The following SYNPR variants were observed in gnomAD, a reference collection of about 807,000 sequenced individuals.
SYNPR encodes the protein synaptoporin.
A neutral mutation model predicts 32.9 loss-of-function variants in SYNPR; 23 were observed. That is an observed-to-expected ratio of 0.70 (90% CI 0.50 to 0.99). SYNPR has a LOEUF of 0.99. Ranked by LOEUF, SYNPR falls within the 50% of genes least tolerant of loss-of-function variation. The probability of loss-of-function intolerance (pLI) is 0.00; values close to 1 mark genes in which losing one functional copy is unlikely to be tolerated. For missense variants in SYNPR, 318 were observed against 349.3 expected (o/e 0.91, Z 0.71); for synonymous variants, 146 against 135.9 (o/e 1.07, Z -0.52).
chr3:63,609,099 T>C, intron 4 of SYNPR, 26 bp from the exon 5 acceptor site: 1 of 1,565,318 alleles, frequency 6.4e-7, no homozygotes. Flanking sequence ...TCTTTTACCA[T>C]TTTCTATTCT....
chr3:63,524,145 T>G (rs1701962097), intron 3 of SYNPR, among the ~76,000 whole-genome samples: 1 of 151,840 alleles, frequency 6.6e-6, no homozygotes. Context: ...CTATCAGTCA[T>G]AAGTAGAAAG....
At chr3:63,382,871 G>T (rs1278186449) in intron 2 of SYNPR, among the ~76,000 whole-genome samples, 1 of 152,060 alleles carries the variant, frequency 6.6e-6, no homozygotes, top group Admixed American at 6.6e-5. Context: ...AGGGGTTTTG[G>T]TTTTTGTTTG....
intron 1 of SYNPR, among the ~76,000 whole-genome samples, chr3:63,236,719 G>T (rs2086203464): frequency 6.6e-6 from 1 of 152,040 alleles, no homozygotes; most frequent in African/African-American, 2.4e-5. Context: ...CTTATATCCT[G>T]CAAGCTTGTT....
chr3:63,609,360 G>T lies in SYNPR; in HGVS notation c.600+44G>T, dbSNP rs147416129. On this transcript the variant is annotated intron_variant, in intron 5 of 5. Coordinates refer to ENST00000478300, the MANE Select transcript of SYNPR (RefSeq NM_001130003.2). ...TGCTTTACTGTTCATATCTTTGTTT[G>T]CCAGTCAAAATAATAAGAAAAACAT... 2,678 of 1,423,666 alleles carry T rather than the reference G, an allele frequency of 1.9e-3. 127 individuals carry two copies. The Admixed American group carries it at 0.077, about 41-fold the overall frequency. The allele number at this position is 1,423,666 out of a possible 1,614,324, so 88.2% of individuals were successfully genotyped here. A position where few individuals can be genotyped will look rare whatever the true frequency, so the allele number is the denominator to read the frequency against.
At chr3:63,226,085 G>A (rs2086126035), upstream of SYNPR, among the ~76,000 whole-genome samples, 1 of 152,064 alleles carries the variant, frequency 6.6e-6, no homozygotes, top group Non-Finnish European at 1.5e-5. Context: ...AATGGCCAAC[G>A]GATAAATGTT....
At chr3:63,489,297 G>T (rs768463616) in intron 3 of SYNPR, among the ~76,000 whole-genome samples, 3 of 152,120 alleles carry the variant, frequency 2.0e-5, no homozygotes, top group Non-Finnish European at 4.4e-5. Context: ...CAATCCAATT[G>T]GTCACTGGCC....
intron 3 of SYNPR, among the ~76,000 whole-genome samples, chr3:63,486,200 T>C (rs1847726): frequency 0.43 from 65,746 of 152,036 alleles, 14,261 homozygotes; most frequent in East Asian, 0.49. Context: ...TGGGCCACCA[T>C]GCCTAGCCAC....
chr3:63,603,038 T>G (rs1222976827), intron 4 of SYNPR, among the ~76,000 whole-genome samples: 1 of 152,188 alleles, frequency 6.6e-6, no homozygotes, highest in African/African-American at 2.4e-5. Flanking sequence ...GTTTTGTAAT[T>G]CTCATTGTAG....
At chr3:63,389,644 C>T (rs1194972748) in intron 2 of SYNPR, among the ~76,000 whole-genome samples, 2 of 152,140 alleles carry the variant, frequency 1.3e-5, no homozygotes, top group East Asian at 3.9e-4. Flanking sequence ...CCTTTGTAAC[C>T]ACGAAGATTG....
chr3:63,229,315 T>A (rs2086151283), intron 1 of SYNPR, among the ~76,000 whole-genome samples: 1 of 152,028 alleles, frequency 6.6e-6, no homozygotes, highest in Admixed American at 6.5e-5. Flanking sequence ...ATCATTGTTA[T>A]TATTAATATA....
intron 2 of SYNPR, among the ~76,000 whole-genome samples, chr3:63,451,586 G>A (rs1700381123): frequency 6.6e-6 from 1 of 152,058 alleles, no homozygotes; most frequent in Admixed American, 6.6e-5. Context: ...ATTTGTTGTG[G>A]AGTCAGGGCA....
intron 3 of SYNPR, among the ~76,000 whole-genome samples, chr3:63,500,478 C>T (rs141483541): frequency 6.6e-6 from 1 of 152,042 alleles, no homozygotes; most frequent in Non-Finnish European, 1.5e-5. Flanking sequence ...GCCCACCTTA[C>T]AAGGTGATTA....
chr3:63,321,713 T>C (rs1267783788), intron 2 of SYNPR, among the ~76,000 whole-genome samples: 1 of 152,054 alleles, frequency 6.6e-6, no homozygotes, highest in Non-Finnish European at 1.5e-5. Flanking sequence ...GGGAGTAAAG[T>C]CTGAAATTAT....
intron 3 of SYNPR, among the ~76,000 whole-genome samples, chr3:63,510,273 T>C (rs754663089): frequency 4.6e-5 from 7 of 152,176 alleles, no homozygotes; most frequent in Non-Finnish European, 8.8e-5. Flanking sequence ...CACTGTATAA[T>C]GATTCTTTCC....
intron 2 of SYNPR, among the ~76,000 whole-genome samples, chr3:63,403,408 A>T (rs1479259463): frequency 1.3e-5 from 2 of 150,746 alleles, no homozygotes; most frequent in African/African-American, 4.9e-5. Context: ...ATATATACAC[A>T]CACACACACA....
chr3:63,442,594 C>T (rs1187599273), intron 2 of SYNPR, among the ~76,000 whole-genome samples: 1 of 152,184 alleles, frequency 6.6e-6, no homozygotes, highest in Non-Finnish European at 1.5e-5. Flanking sequence ...CTCCTTCCTA[C>T]AGAGGTTTAT....
chr3:63,200,968 A>G, the SYNPR span, among the ~76,000 whole-genome samples: 2 of 152,310 alleles, frequency 1.3e-5, no homozygotes, highest in South Asian at 2.1e-4. Flanking sequence ...AGGTAAATCT[A>G]GATGTACCCA....
chr3:63,349,812 C>T (rs1432485573), intron 2 of SYNPR, among the ~76,000 whole-genome samples: 2 of 152,200 alleles, frequency 1.3e-5, no homozygotes, highest in Admixed American at 1.3e-4. Flanking sequence ...TACAGCTGTA[C>T]CTAGTCTGAG....
At chr3:63,449,585 T>C (rs922550224) in intron 2 of SYNPR, among the ~76,000 whole-genome samples, 49 of 152,144 alleles carry the variant, frequency 3.2e-4, no homozygotes, top group Non-Finnish European at 6.6e-4. Context: ...CTGAGAACAG[T>C]ACAGGAAACG....
Sources: gnomAD v4.1 joint callset for allele counts (sites outside exome capture counted in the v4.1 genomes callset) on GRCh38, gnomAD v4.1.1 for gene constraint, MANE v1.5 for transcripts, NCBI Gene and HGNC (gene_info 2026-07-23, HGNC 2026-07-21) for gene names.